Variants in MAGI2 observed in about 807,000 individuals in gnomAD.
MAGI2 encodes membrane associated guanylate kinase, WW and PDZ domain containing 2.
Under a neutral mutation model 133.3 loss-of-function variants are expected in MAGI2, and 35 were observed. The ratio of observed to expected loss-of-function variants is 0.26; its 90% CI spans 0.20 to 0.35. The LOEUF (loss-of-function observed/expected upper bound fraction) is 0.35. Among genes scored for constraint, MAGI2 ranks in the 10% least tolerant of loss-of-function variants. The pLI is 1.00. For missense variants in MAGI2, 1,636 were observed against 1,863.4 expected (o/e 0.88, Z 2.25); for synonymous variants, 729 against 710.6 (o/e 1.03, Z -0.41).
At chr7:78,627,078 G>A (rs753839810) in intron 3 of MAGI2, 42 bp downstream of exon 3, 10 of 1,533,016 alleles carry the variant, frequency 6.5e-6, no homozygotes, top group Non-Finnish European at 7.9e-6. Flanking sequence ...TGAGAAAAAT[G>A]TGATGCCAAC....
chr7:78,561,660 C>T (rs1356774505), intron 3 of MAGI2, among the ~76,000 whole-genome samples: 4 of 152,088 alleles, frequency 2.6e-5, no homozygotes, highest in Admixed American at 1.3e-4. Flanking sequence ...TTTGAGAGAA[C>T]GAGCTGCCTC....
intron 2 of MAGI2, among the ~76,000 whole-genome samples, chr7:78,999,073 T>C (rs1162727614): frequency 1.3e-5 from 2 of 152,004 alleles, no homozygotes; most frequent in East Asian, 3.9e-4. Context: ...CTAGGACCAC[T>C]GAAGTCCAAG....
intron 1 of MAGI2, among the ~76,000 whole-genome samples, chr7:79,107,929 A>T (rs577798973): frequency 6.6e-6 from 1 of 152,326 alleles, no homozygotes; most frequent in African/African-American, 2.4e-5. Context: ...TTCTAATTCT[A>T]TGGTTTAAAC....
chr7:78,376,502 A>G (rs1267715737), intron 6 of MAGI2, among the ~76,000 whole-genome samples: 2 of 152,164 alleles, frequency 1.3e-5, no homozygotes, highest in East Asian at 3.9e-4. Context: ...ACTTAATTCC[A>G]CCATATTATA....
intron 2 of MAGI2, among the ~76,000 whole-genome samples, chr7:78,647,696 CAT>C (rs1387849199): frequency 4.6e-5 from 7 of 152,248 alleles, no homozygotes; most frequent in African/African-American, 1.7e-4. Flanking sequence ...CACATGCACA[CAT>C]ATGTTTATTG....
chr7:78,030,920 C>T (rs903858579), intron 21 of MAGI2, among the ~76,000 whole-genome samples: 14 of 152,174 alleles, frequency 9.2e-5, no homozygotes, highest in African/African-American at 2.7e-4. Context: ...AACCTGTATG[C>T]GGATTTCTAT....
At chr7:78,228,378 A>G (rs1177389757) in intron 10 of MAGI2, among the ~76,000 whole-genome samples, 2 of 152,216 alleles carry the variant, frequency 1.3e-5, no homozygotes, top group African/African-American at 4.8e-5. Flanking sequence ...TTCTGAAGAA[A>G]TGAAGGCTAT....
intron 2 of MAGI2, among the ~76,000 whole-genome samples, chr7:78,643,868 A>G (rs983483986): frequency 6.6e-6 from 1 of 152,092 alleles, no homozygotes; most frequent in African/African-American, 2.4e-5. Flanking sequence ...ATCTACACAC[A>G]CACCCCCACA....
chr7:78,930,524 C>A lies in MAGI2; in HGVS notation c.418+76566G>T, dbSNP rs192456689. Among the ~76,000 whole-genome samples the A allele has an allele frequency of 8.7e-4, 132 of 152,198 alleles. No individual in the cohort carries two copies. The Middle Eastern group carries it at 0.02, about 24-fold the overall frequency. On this transcript the variant is annotated intron_variant, in intron 2 of 21. Coordinates refer to ENST00000354212, the MANE Select transcript of MAGI2 (RefSeq NM_012301.4). ...GATTCAATGGGTTAATCTTGCCTCT[C>A]TTTTCAAATCCCCAACAAAGGCTAG...
intron 2 of MAGI2, among the ~76,000 whole-genome samples, chr7:78,930,663 T>G (rs1676959023): frequency 6.6e-6 from 1 of 152,144 alleles, no homozygotes; most frequent in Non-Finnish European, 1.5e-5. Context: ...TAACTCATTA[T>G]TTATAATTTG....
intron 2 of MAGI2, among the ~76,000 whole-genome samples, chr7:78,973,552 T>C (rs1000545170): frequency 1.3e-5 from 2 of 151,854 alleles, no homozygotes; most frequent in Non-Finnish European, 1.5e-5. Flanking sequence ...AAGAGACTTT[T>C]TTTTTTTGTT....
At chr7:78,167,558 GGCTCTT>G (rs1395510826) in intron 15 of MAGI2, among the ~76,000 whole-genome samples, 4 of 152,134 alleles carry the variant, frequency 2.6e-5, no homozygotes, top group African/African-American at 9.7e-5. Flanking sequence ...AAAATGCTGT[GGCTCTT>G]GGTTTGCAAA....
At chr7:78,403,095 C>T (rs1797044431) in intron 6 of MAGI2, among the ~76,000 whole-genome samples, 1 of 152,132 alleles carries the variant, frequency 6.6e-6, no homozygotes, top group African/African-American at 2.4e-5. Context: ...TGGTGTGCTG[C>T]ACCCATTAAC....
At chr7:78,811,648 AC>A (rs1319393275) in intron 2 of MAGI2, among the ~76,000 whole-genome samples, 1 of 152,260 alleles carries the variant, frequency 6.6e-6, no homozygotes, top group East Asian at 1.9e-4. Context: ...ACATGCAAAC[AC>A]AAAAGGAAGT....
At chr7:78,025,598 G>C (rs1196890841) in intron 21 of MAGI2, among the ~76,000 whole-genome samples, 1 of 152,142 alleles carries the variant, frequency 6.6e-6, no homozygotes, top group Non-Finnish European at 1.5e-5. Context: ...AAACACTTCA[G>C]GGCAAAGGAT....
At chr7:78,359,734 C>A in intron 7 of MAGI2, among the ~76,000 whole-genome samples, 1 of 152,062 alleles carries the variant, frequency 6.6e-6, no homozygotes, top group East Asian at 1.9e-4. Flanking sequence ...AAAGAAAATG[C>A]TTTAAAAATT....
chr7:78,116,005 T>C (rs1819834158), intron 20 of MAGI2, among the ~76,000 whole-genome samples: 1 of 152,040 alleles, frequency 6.6e-6, no homozygotes, highest in Non-Finnish European at 1.5e-5. Flanking sequence ...CACTCAACAA[T>C]TGCAGAATGC....
At chr7:79,409,670 T>C (rs992870486) in intron 1 of MAGI2, among the ~76,000 whole-genome samples, 1 of 151,982 alleles carries the variant, frequency 6.6e-6, no homozygotes, top group Non-Finnish European at 1.5e-5. Context: ...CTAAGGCAAG[T>C]GGCAAAAAGG....
chr7:78,829,019 G>A (rs1031190944), intron 2 of MAGI2, among the ~76,000 whole-genome samples: 2 of 151,972 alleles, frequency 1.3e-5, no homozygotes, highest in Non-Finnish European at 2.9e-5. Flanking sequence ...AAGGGCAACT[G>A]CATAAATTTA....
Sources: gnomAD v4.1 joint callset for allele counts (sites outside exome capture counted in the v4.1 genomes callset) on GRCh38, gnomAD v4.1.1 for gene constraint, MANE v1.5 for transcripts, NCBI Gene and HGNC (gene_info 2026-07-23, HGNC 2026-07-21) for gene names.